The following SLC1A2 variants were observed in gnomAD, a reference collection of about 807,000 sequenced individuals.
The protein encoded by SLC1A2 is solute carrier family 1 member 2, also known as excitatory amino acid transporter 2.
In SLC1A2, 15 loss-of-function variants were observed where a neutral mutation model predicts 48.8. That is an observed-to-expected ratio of 0.31 (90% confidence interval 0.21 to 0.47). The LOEUF (loss-of-function observed/expected upper bound fraction) is 0.47. Ranked by LOEUF, SLC1A2 falls within the 20% of genes least tolerant of loss-of-function variation. The pLI, the probability that SLC1A2 is intolerant of heterozygous loss-of-function variation, is 0.99. For synonymous variants in SLC1A2, 279 were observed against 272.6 expected, an observed-to-expected ratio of 1.02 and a Z score of -0.23; for missense variants, 502 against 730.5, an observed-to-expected ratio of 0.69 and a Z score of 3.61.
upstream of SLC1A2, chr11:35,419,749 G>A (rs1002316214): frequency 3.8e-6 from 1 of 262,188 alleles, no homozygotes; most frequent in African/African-American, 2.3e-5. The surrounding 1 kb of genome is among the most constrained non-coding windows in gnomAD (Gnocchi z 5.4). Flanking sequence ...AGTAGCTATT[G>A]TTTCCCCTGA....
intron 1 of SLC1A2, among the ~76,000 whole-genome samples, chr11:35,356,404 T>C (rs374723537): frequency 6.6e-6 from 1 of 152,198 alleles, no homozygotes; most frequent in East Asian, 1.9e-4. Context: ...CTGCTAATGT[T>C]CCTGGGCACC....
intron 9 of SLC1A2, among the ~76,000 whole-genome samples, chr11:35,277,560 A>C (rs1288591794): frequency 6.6e-6 from 1 of 152,198 alleles, no homozygotes; most frequent in Non-Finnish European, 1.5e-5. Flanking sequence ...CCTCTATAAT[A>C]ATATTTTTTA....
Position 35,317,361 on chromosome 11 carries a change from T to C in SLC1A2, c.157+16A>G, listed in dbSNP as rs1851915095. ...AGAGAAGAGGGGGCTGGGGGTGGGG[T>C]AGTGCAGGTACCTACCAAACACCGT... On this transcript the variant is annotated intron_variant, in intron 2 of 10. Transcript: ENST00000278379. 3 of 1,610,926 alleles carry C rather than the reference T, an allele frequency of 1.9e-6. No homozygotes were observed. The highest frequency in any genetic ancestry group is 2.5e-6 in the Non-Finnish European group (3 of 1,177,792).
Position 35,255,078 on chromosome 11 carries a change from C to A in SLC1A2, c.*5816G>T, listed in dbSNP as rs901222866. Reference sequence around the variant, plus strand: ...AGCCGGCCGAAAAACAAAACCCAATCCTTTCAGTCCTAGCTTTACATCTTG... The same window carrying A: ...AGCCGGCCGAAAAACAAAACCCAATACTTTCAGTCCTAGCTTTACATCTTG... On this transcript the variant is annotated 3_prime_UTR_variant, in exon 11 of 11. Coordinates refer to ENST00000278379, the MANE Select transcript of SLC1A2 (RefSeq NM_004171.4). 3.2e-6 allele frequency: 1 copy of A among 310,060 alleles called. No individual in the cohort carries two copies. The highest frequency in any genetic ancestry group is 2.2e-5 in the African/African-American group (1 of 45,218). 19.2% of individuals were successfully genotyped at this position (310,060 alleles called of 1,614,324 possible).
chr11:35,346,164 C>T (rs1853025510), intron 1 of SLC1A2, among the ~76,000 whole-genome samples: 1 of 152,152 alleles, frequency 6.6e-6, no homozygotes, highest in Non-Finnish European at 1.5e-5. Flanking sequence ...CCCATCAACC[C>T]ATCATCTACA....
At chr11:35,354,633 A>C (rs973290795) in intron 1 of SLC1A2, among the ~76,000 whole-genome samples, 1 of 152,106 alleles carries the variant, frequency 6.6e-6, no homozygotes, top group East Asian at 1.9e-4. Context: ...CACCCCCCAA[A>C]ACAAAGAATT....
At chr11:35,385,108 C>A (rs1854545660) in intron 1 of SLC1A2, among the ~76,000 whole-genome samples, 1 of 152,116 alleles carries the variant, frequency 6.6e-6, no homozygotes, top group Non-Finnish European at 1.5e-5. Flanking sequence ...CCAGAGTGAC[C>A]CAGTGAGACA....
chr11:35,364,695 G>T (rs1171079454), intron 1 of SLC1A2, among the ~76,000 whole-genome samples: 4 of 152,226 alleles, frequency 2.6e-5, no homozygotes, highest in African/African-American at 9.6e-5. Context: ...GATACCTATT[G>T]TAGTCATAGG....
rs182676041 is a variant in SLC1A2 at position 35,304,930 on chromosome 11, A to G, written c.730+1144T>C. Among the ~76,000 whole-genome samples the G allele has an allele frequency of 3.5e-4, 53 of 152,346 alleles. No individual in the cohort carries two copies. The East Asian group carries it at 9.1e-3, about 26-fold the overall frequency. ...ATTCTGTATTTTATCTGACAACCCA[A>G]CTAAGGAGACAAGGCCATGTGATCT... is the stretch of plus-strand genomic sequence containing the variant. On this transcript the variant is annotated intron_variant, in intron 5 of 10. Transcript: ENST00000278379.
chr11:35,331,138 C>T lies in SLC1A2; in HGVS notation c.18-13622G>A, dbSNP rs1289151840. Among the ~76,000 whole-genome samples the T allele has an allele frequency of 2.0e-5, 3 of 152,344 alleles. No individual in the cohort carries two copies. In the East Asian group the frequency reaches 5.8e-4, roughly 29 times the overall value. ...GCATGCTCAGCCAGACACTGCTTCT[C>T]AGCCTCCCTTCCTGAGATGTAGGCT... On this transcript the variant is annotated intron_variant, in intron 1 of 10. Coordinates refer to ENST00000278379, the MANE Select transcript of SLC1A2 (RefSeq NM_004171.4).
At chr11:35,349,179 CG>C (rs1402314073) in intron 1 of SLC1A2, among the ~76,000 whole-genome samples, 1 of 152,022 alleles carries the variant, frequency 6.6e-6, no homozygotes, top group African/African-American at 2.4e-5. Context: ...TGCGGGAGCC[CG>C]GGCAGGGGCG....
intron 1 of SLC1A2, among the ~76,000 whole-genome samples, chr11:35,417,454 G>A (rs1474766243): frequency 6.6e-6 from 1 of 152,138 alleles, no homozygotes; most frequent in African/African-American, 2.4e-5. Flanking sequence ...AAGTCTAGAA[G>A]GTCCATGAAG....
chr11:35,342,525 TTG>T (rs1340975285), intron 1 of SLC1A2, among the ~76,000 whole-genome samples: 16 of 17,320 alleles, frequency 9.2e-4, no homozygotes, highest in Admixed American at 4.3e-3. Context: ...GTTTTTTTTG[TTG>T]TTGTTGTTGT....
intron 1 of SLC1A2, among the ~76,000 whole-genome samples, chr11:35,368,142 C>T (rs189837758): frequency 3.9e-5 from 6 of 152,316 alleles, no homozygotes; most frequent in African/African-American, 1.2e-4. Flanking sequence ...AACTTAATCC[C>T]TCATCAATGC....
At position 35,333,371 on chromosome 11, in the gene SLC1A2, G is replaced by T. The variant is rs989319149; in HGVS notation, c.18-15855C>A. Among the ~76,000 whole-genome samples the T allele has an allele frequency of 2.4e-4, 37 of 151,486 alleles. 1 individual carries two copies. Among genetic ancestry groups the T allele is most frequent in the Admixed American group, 3.9e-4 (6 of 15,220 alleles). On this transcript the variant is annotated intron_variant, in intron 1 of 10. Coordinates refer to ENST00000278379, the MANE Select transcript of SLC1A2 (RefSeq NM_004171.4). ...GGCGGAGGCAGCAGTGAGCTAAGATGGCACCACTGCTGTCCAGCCTGGGTG... is the reference window on the plus strand; with the variant it reads ...GGCGGAGGCAGCAGTGAGCTAAGATTGCACCACTGCTGTCCAGCCTGGGTG...
At chr11:35,334,677 C>T (rs1423109533) in intron 1 of SLC1A2, among the ~76,000 whole-genome samples, 1 of 150,876 alleles carries the variant, frequency 6.6e-6, no homozygotes, top group East Asian at 1.9e-4. Flanking sequence ...TTAGAACTCT[C>T]TAGAGCAATG....
intron 3 of SLC1A2, 147 bp from the exon 4 acceptor site, chr11:35,312,595 T>C: frequency 3.1e-6 from 3 of 982,818 alleles, no homozygotes; most frequent in Non-Finnish European, 4.4e-6. Context: ...TCAATATCCA[T>C]GAGAGGGTTG....
chr11:35,312,234 G>T lies in SLC1A2; in HGVS notation c.525C>A (p.Leu175=). The T allele has an allele frequency of 5.0e-6, 8 of 1,614,164 alleles. No homozygotes were observed. The highest frequency in any genetic ancestry group is 6.8e-6 in the Non-Finnish European group (8 of 1,179,990). ...LDAFLDLIRN[L]FPENLVQACF... ...AGGCTTGGACAAGGTTTTCAGGGAAGAGATTTCGAATAAGGTCCAGGAAGG... is the reference window on the plus strand; with the variant it reads ...AGGCTTGGACAAGGTTTTCAGGGAATAGATTTCGAATAAGGTCCAGGAAGG... The change falls in exon 4 of 11, where the codon CTC becomes CTA. Residue 175 remains leucine, a synonymous_variant. Coordinates refer to ENST00000278379, the MANE Select transcript of SLC1A2 (RefSeq NM_004171.4).
intron 1 of SLC1A2, among the ~76,000 whole-genome samples, chr11:35,320,366 T>C (rs1852017028): frequency 6.6e-6 from 1 of 152,172 alleles, no homozygotes; most frequent in Admixed American, 6.5e-5. Flanking sequence ...TAAAGCACAT[T>C]GTACTGTAAT....
Sources: gnomAD v4.1 joint callset for allele counts (sites outside exome capture counted in the v4.1 genomes callset) on GRCh38, gnomAD v4.1.1 for gene constraint, Gnocchi (gnomAD v3.1) non-coding constraint, MANE v1.5 for transcripts, NCBI Gene and HGNC (gene_info 2026-07-23, HGNC 2026-07-21) for gene names.